CACNA2D3: variants seen among roughly 807,000 people sequenced by gnomAD.
CACNA2D3 encodes the protein calcium voltage-gated channel auxiliary subunit alpha2delta 3, also known as voltage-dependent calcium channel subunit alpha-2/delta-3.
In CACNA2D3, 60 loss-of-function variants were observed where a neutral mutation model predicts 160.6. That is an observed-to-expected ratio of 0.37 (90% CI 0.30 to 0.46). The LOEUF is 0.46. CACNA2D3 is among the 20% of genes least tolerant of loss of function. The probability of loss-of-function intolerance (pLI) is 1.00; values close to 1 mark genes in which losing one functional copy is unlikely to be tolerated. For missense variants in CACNA2D3, 1,205 were observed against 1,365.0 expected (o/e 0.88, Z 1.85); for synonymous variants, 558 against 492.9 (o/e 1.13, Z -1.75).
rs545310059 is a variant in CACNA2D3, at chr3:54,986,574, T to G, written c.2620-1109T>G. Among the ~76,000 whole-genome samples, 285 of 152,312 alleles carry G rather than the reference T, an allele frequency of 1.9e-3. 3 individuals are homozygous for G. The highest frequency in any genetic ancestry group is 6.5e-3 in the African/African-American group (271 of 41,566). On this transcript the variant is annotated intron_variant, in intron 30 of 37. Coordinates refer to ENST00000474759, the MANE Select transcript of CACNA2D3 (RefSeq NM_018398.3). ...TTCCTTCTTCCTCCTTTTCTCCCCC[T>G]TTACATTTTGCCAAAGTTTATATAT...
intron 13 of CACNA2D3, among the ~76,000 whole-genome samples, chr3:54,769,952 G>A (rs1702289545): frequency 6.6e-6 from 1 of 152,128 alleles, no homozygotes; most frequent in African/African-American, 2.4e-5. Context: ...AAAACACTGG[G>A]ATTGTGCCGC....
At chr3:54,252,128 C>T (rs1273833912) in intron 2 of CACNA2D3, among the ~76,000 whole-genome samples, 4 of 86,150 alleles carry the variant, frequency 4.6e-5, no homozygotes, top group Non-Finnish European at 8.5e-5. Context: ...CGATACTCTC[C>T]GTCTCTCCCA....
intron 4 of CACNA2D3, among the ~76,000 whole-genome samples, chr3:54,440,230 C>G (rs559646116): frequency 6.6e-6 from 1 of 152,146 alleles, no homozygotes; most frequent in Non-Finnish European, 1.5e-5. Context: ...AAATGCCACC[C>G]AGCTCTGACC....
At chr3:54,885,371 C>G in intron 22 of CACNA2D3, 45 bp downstream of exon 22, 1 of 1,609,018 alleles carries the variant, frequency 6.2e-7, no homozygotes, top group Non-Finnish European at 8.5e-7. Context: ...TCCTTCATTG[C>G]CCTCTTTGAT....
At chr3:54,631,198 CATCA>C (rs566857079) in intron 10 of CACNA2D3, among the ~76,000 whole-genome samples, 1 of 106,534 alleles carries the variant, frequency 9.4e-6, no homozygotes, top group Admixed American at 9.9e-5. Flanking sequence ...AGCGAGACTC[CATCA>C]AACACACACA....
chr3:54,457,488 C>G (rs1220175213), intron 4 of CACNA2D3, among the ~76,000 whole-genome samples: 2 of 151,968 alleles, frequency 1.3e-5, no homozygotes, highest in African/African-American at 2.4e-5. Flanking sequence ...ATGGTCAGTC[C>G]TGGAGAATGT....
intron 35 of CACNA2D3, among the ~76,000 whole-genome samples, chr3:55,024,466 A>T (rs186409206): frequency 2.2e-4 from 33 of 152,226 alleles, no homozygotes; most frequent in Admixed American, 1.1e-3. Flanking sequence ...TTAGGAGATG[A>T]TTAGATCATG....
chr3:54,768,771 G>T (rs1702265997), intron 13 of CACNA2D3, among the ~76,000 whole-genome samples: 1 of 152,130 alleles, frequency 6.6e-6, no homozygotes, highest in African/African-American at 2.4e-5. Context: ...ACTCTTTGAG[G>T]TTCATAAAAC....
In CACNA2D3 at chr3:54,813,583, C is replaced by T. The variant is rs544681832; in HGVS notation, c.1381-3270C>T. Among the ~76,000 whole-genome samples the T allele has an allele frequency of 6.6e-5, 10 of 152,064 alleles. No individual in the cohort carries two copies. In the South Asian group the frequency reaches 8.3e-4, roughly 13 times the overall value. Reference sequence around the variant, plus strand: ...ATTCAAGGATTCAAGGCAGTTACCCCGATTATCTTTCCCTGGCATCAACTC... The same window carrying T: ...ATTCAAGGATTCAAGGCAGTTACCCTGATTATCTTTCCCTGGCATCAACTC... On this transcript the variant is annotated intron_variant, in intron 13 of 37. Transcript: ENST00000474759.
At chr3:54,615,524 A>G (rs1698831242) in intron 9 of CACNA2D3, among the ~76,000 whole-genome samples, 1 of 152,246 alleles carries the variant, frequency 6.6e-6, no homozygotes, top group South Asian at 2.1e-4. Flanking sequence ...ACTCTAGAAT[A>G]AGAGACTTAA....
At chr3:54,338,679 G>A (rs1171921013) in intron 3 of CACNA2D3, among the ~76,000 whole-genome samples, 4 of 152,040 alleles carry the variant, frequency 2.6e-5, no homozygotes, top group Non-Finnish European at 5.9e-5. Context: ...ATGGTCTGTG[G>A]GACCTCCTGG....
intron 32 of CACNA2D3, 27 bp downstream of exon 32, chr3:55,004,865 A>G (rs781261573): frequency 3.3e-6 from 5 of 1,526,230 alleles, no homozygotes; most frequent in South Asian, 1.1e-5. Flanking sequence ...CACTCAGAAA[A>G]CAGCCACACA....
intron 11 of CACNA2D3, among the ~76,000 whole-genome samples, chr3:54,696,401 A>T (rs1559552129): frequency 6.6e-6 from 1 of 152,224 alleles, no homozygotes. Context: ...ATGAGGTCCG[A>T]TGCTATTTAC....
At chr3:54,189,420 C>T (rs1015768019) in intron 2 of CACNA2D3, among the ~76,000 whole-genome samples, 2 of 152,166 alleles carry the variant, frequency 1.3e-5, no homozygotes, top group African/African-American at 4.8e-5. Flanking sequence ...AGGGACAGGG[C>T]CAAAGTCGAG....
At chr3:54,225,724 C>A (rs892276235) in intron 2 of CACNA2D3, among the ~76,000 whole-genome samples, 5 of 151,628 alleles carry the variant, frequency 3.3e-5, no homozygotes, top group African/African-American at 9.7e-5. Context: ...TATTTTAAAG[C>A]CTGTGTCTGA....
chr3:54,529,374 G>A (rs1170197249), intron 5 of CACNA2D3, among the ~76,000 whole-genome samples: 5 of 152,252 alleles, frequency 3.3e-5, no homozygotes, highest in African/African-American at 7.2e-5. Flanking sequence ...TGTATGCCTC[G>A]GACAAGTCAT....
chr3:54,508,323 C>T (rs544098491), intron 5 of CACNA2D3, among the ~76,000 whole-genome samples: 1 of 152,138 alleles, frequency 6.6e-6, no homozygotes, highest in Non-Finnish European at 1.5e-5. Context: ...CCCACTCACA[C>T]TGAAGAAGAG....
rs182600999 is a variant in CACNA2D3 at position 54,376,279 on chromosome 3, C to T, written c.322-10436C>T. Reference sequence around the variant, plus strand: ...CCCTGGAGCCTTTGCTGCTCCTTCGCCGTCACCTCTCTCAGTCACCTGGCT... The same window carrying T: ...CCCTGGAGCCTTTGCTGCTCCTTCGTCGTCACCTCTCTCAGTCACCTGGCT... On this transcript the variant is annotated intron_variant, in intron 3 of 37. Transcript: ENST00000474759. Among the ~76,000 whole-genome samples, 429 of 152,342 alleles carry T rather than the reference C, an allele frequency of 2.8e-3. 2 individuals carry two copies. Among genetic ancestry groups the T allele is most frequent in the Non-Finnish European group, 4.0e-3 (272 of 68,030 alleles).
At chr3:54,678,368 A>G (rs1331691750) in intron 11 of CACNA2D3, among the ~76,000 whole-genome samples, 2 of 152,152 alleles carry the variant, frequency 1.3e-5, no homozygotes, top group African/African-American at 4.8e-5. Flanking sequence ...AATAGGAAAG[A>G]TTGGGCGTAG....
Sources: gnomAD v4.1 joint callset for allele counts (sites outside exome capture counted in the v4.1 genomes callset) on GRCh38, gnomAD v4.1.1 for gene constraint, MANE v1.5 for transcripts, NCBI Gene and HGNC (gene_info 2026-07-23, HGNC 2026-07-21) for gene names.